Variants in KRT40 observed in about 807,000 individuals in gnomAD.
KRT40 encodes keratin, type I cytoskeletal 40.
KRT40 carries 47 observed loss-of-function variants against 43.5 expected under a neutral mutation model. That is an observed-to-expected ratio of 1.08 (90% confidence interval 0.86 to 1.38). KRT40 has a LOEUF of 1.38. Ranked by LOEUF, KRT40 falls within the 40% of genes most tolerant of loss-of-function variation. The pLI, the probability that KRT40 is intolerant of heterozygous loss-of-function variation, is 0.00. For missense variants in KRT40, 573 were observed against 523.6 expected, an observed-to-expected ratio of 1.09 and a Z score of -0.92; for synonymous variants, 212 against 214.0, an observed-to-expected ratio of 0.99 and a Z score of 0.08.
chr17:40,982,870 G>A (rs566769643), intron 2 of KRT40, among the ~76,000 whole-genome samples, 176 bp downstream of exon 2: 12 of 152,068 alleles, frequency 7.9e-5, no homozygotes, highest in Admixed American at 2.6e-4. Flanking sequence ...TAGGTGTGGC[G>A]GTGCACGCCT....
chr17:40,979,024 T>C lies in KRT40; in HGVS notation c.976A>G (p.Thr326Ala), dbSNP rs1456571205. 3 of 1,611,834 alleles carry C rather than the reference T, an allele frequency of 1.9e-6. No individual in the cohort carries two copies. The highest frequency in any genetic ancestry group is 2.2e-5 in the South Asian group (2 of 90,970). ...GCCACGGTGCATTCCAGAGATTCTGTCTGCGGGAGGAAACATTGTCCAAAG... is the reference window on the plus strand; with the variant it reads ...GCCACGGTGCATTCCAGAGATTCTGCCTGCGGGAGGAAACATTGTCCAAAG... ...EIELQAQQSLTESLECTVAET... is the reference protein window; with the variant it reads ...EIELQAQQSLAESLECTVAET... Residue 326 changes from threonine (T) to alanine (A), a missense_variant and splice_region_variant, in exon 6 of 7, where the codon ACA becomes GCA. Coordinates refer to ENST00000377755, the MANE Select transcript of KRT40 (RefSeq NM_001389244.1).
At chr17:40,984,390 A>C (rs1461261205), upstream of KRT40, 2 of 712,502 alleles carry the variant, frequency 2.8e-6, no homozygotes, top group Non-Finnish European at 4.6e-6. Context: ...ACTGCACCGG[A>C]TGTTTTCTTT....
rs755275883 is a variant in KRT40 at position 40,978,857 on chromosome 17, C to A, written c.1143G>T (p.Arg381=). 4.3e-6 allele frequency: 7 copies of A among 1,613,298 alleles called. No homozygotes were observed. The South Asian group carries it at 7.7e-5, about 18-fold the overall frequency. The part of the protein sequence containing the change: ...EYQVLLDVKA[R]LEGEINTYWG... Reference sequence around the variant, plus strand: ...AGTACGTGTTGATCTCACCCTCCAGCCGGGCCTTCACGTCCAGGAGCACCT... The same window carrying A: ...AGTACGTGTTGATCTCACCCTCCAGACGGGCCTTCACGTCCAGGAGCACCT... Residue 381 remains arginine, a synonymous_variant, in exon 6 of 7, where the codon CGG becomes CGT. Transcript: ENST00000377755.
In KRT40 at chr17:40,979,018, A is replaced by G. The variant is rs1446782068; in HGVS notation, c.982T>C (p.Ser328Pro). ...ELQAQQSLTE[S>P]LECTVAETEA... Reference sequence around the variant, plus strand: ...GTTTCTGCCACGGTGCATTCCAGAGATTCTGTCTGCGGGAGGAAACATTGT... The same window carrying G: ...GTTTCTGCCACGGTGCATTCCAGAGGTTCTGTCTGCGGGAGGAAACATTGT... The change falls in exon 6 of 7, where the codon TCT becomes CCT. Residue 328 changes from serine (S) to proline (P), a missense_variant. Ser to Pro is a moderately conservative substitution (Grantham distance 74). Coordinates refer to ENST00000377755, the MANE Select transcript of KRT40 (RefSeq NM_001389244.1). 8 of 1,612,584 alleles carry G rather than the reference A, an allele frequency of 5.0e-6. No homozygotes were observed. The highest frequency in any genetic ancestry group is 1.7e-6 in the Non-Finnish European group (2 of 1,178,908).
At chr17:40,983,694 C>A in intron 1 of KRT40, 133 bp downstream of exon 1, 1 of 817,460 alleles carries the variant, frequency 1.2e-6, no homozygotes, top group Non-Finnish European at 1.9e-6. Context: ...GTCCGGTGCT[C>A]TCCCCTATGT....
intron 1 of KRT40, 22 bp downstream of exon 1, chr17:40,983,805 A>G: frequency 2.5e-6 from 4 of 1,606,238 alleles, no homozygotes; most frequent in Non-Finnish European, 3.4e-6. Context: ...AAGGTGGAGC[A>G]CTAGGGCAAC....
intron 5 of KRT40, among the ~76,000 whole-genome samples, chr17:40,980,551 T>G (rs763828310): frequency 1.3e-5 from 2 of 152,164 alleles, no homozygotes; most frequent in Non-Finnish European, 2.9e-5. Flanking sequence ...CAGCTCTGCT[T>G]CTCCCTCCCT....
intron 1 of KRT40, among the ~76,000 whole-genome samples, chr17:40,983,458 G>C (rs879360532): frequency 6.6e-6 from 1 of 152,160 alleles, no homozygotes; most frequent in African/African-American, 2.4e-5. Flanking sequence ...AGAAATTCAT[G>C]GAGAGAAGAA....
chr17:40,986,320 G>A (rs1220974388), upstream of KRT40: 1 of 152,164 alleles, frequency 6.6e-6, no homozygotes, highest in African/African-American at 2.4e-5. Flanking sequence ...CATGGTCCAG[G>A]ACACATAGCC....
Position 40,984,135 on chromosome 17 carries a change from T to C in KRT40, c.139A>G (p.Ser47Gly), listed in dbSNP as rs751611688. ...AGCCCGCGAGACCTGGATAGGAAGC[T>C]TGGAGTCTGACATCGGGATGTAGCA... ...TCATSRCQTP[S>G]FLSRSRGLTG... is the part of the protein sequence containing the mutation. The change falls in exon 1 of 7, where the codon AGC (serine) becomes GGC (glycine). Residue 47 changes from serine (S) to glycine (G), a missense_variant. Transcript: ENST00000377755. 30 of 1,613,988 alleles carry C rather than the reference T, an allele frequency of 1.9e-5. No individual in the cohort carries two copies. Among genetic ancestry groups the C allele is most frequent in the African/African-American group, 2.7e-5 (2 of 74,886 alleles).
intron 3 of KRT40, 39 bp from the exon 4 acceptor site, chr17:40,981,190 G>A (rs1011667175): frequency 1.2e-6 from 2 of 1,611,392 alleles, no homozygotes; most frequent in Non-Finnish European, 1.7e-6. Flanking sequence ...ACAGAATGGT[G>A]GGGAAAAATC....
At chr17:40,980,370 G>A (rs1912073428) in intron 5 of KRT40, among the ~76,000 whole-genome samples, 1 of 152,176 alleles carries the variant, frequency 6.6e-6, no homozygotes, top group South Asian at 2.1e-4. Flanking sequence ...GTGGGGGGTG[G>A]TGCAGTGAAG....
chr17:40,978,924 G>A lies in KRT40; in HGVS notation c.1076C>T (p.Ala359Val), dbSNP rs1220740691. 6.2e-7 allele frequency: 1 copy of A among 1,614,108 alleles called. No individual in the cohort carries two copies. Among genetic ancestry groups the A allele is most frequent in the Non-Finnish European group, 8.5e-7 (1 of 1,180,022 alleles). The stretch of plus-strand genomic sequence containing the variant: ...TCGCTCCAGGTCGCAGCGGATCTCG[G>A]CCAGCTGGTTCTCCAGGTTATCGAT... ...CLIDNLENQL[A>V]EIRCDLERQN... Residue 359 changes from alanine (A) to valine (V), a missense_variant, in exon 6 of 7, where the codon GCC becomes GTC. Transcript: ENST00000377755.
At chr17:40,980,135 G>A (rs1054351335) in intron 5 of KRT40, among the ~76,000 whole-genome samples, 10 of 152,234 alleles carry the variant, frequency 6.6e-5, no homozygotes, top group African/African-American at 2.2e-4. Context: ...TCCTTTGCAA[G>A]TTACTTAATC....
At chr17:40,983,007 T>A in intron 2 of KRT40, 39 bp downstream of exon 2, 1 of 877,568 alleles carries the variant, frequency 1.1e-6, no homozygotes, top group South Asian at 1.5e-5. Context: ...AAACTCCATC[T>A]CAAAATAAAT....
Position 40,979,154 on chromosome 17 carries a change from TCA to T in KRT40, c.976-132_976-131del, listed in dbSNP as rs1314133623. Reference sequence around the variant, plus strand: ...GCAAATTATTTAGCTTCTGTGAGTCTCAGTTTTATTCTCTGTATAGTGGAGAA... The same window carrying T: ...GCAAATTATTTAGCTTCTGTGAGTCTGTTTTATTCTCTGTATAGTGGAGAA... On this transcript the variant is annotated intron_variant, in intron 5 of 6. Coordinates refer to ENST00000377755, the MANE Select transcript of KRT40 (RefSeq NM_001389244.1). The T allele has an allele frequency of 3.0e-6, 2 of 660,028 alleles. 1 individual carries two copies. Among genetic ancestry groups the T allele is most frequent in the African/African-American group, 3.6e-5 (2 of 55,226 alleles). 40.9% of individuals were successfully genotyped at this position (660,028 alleles called of 1,614,324 possible). A position where few individuals can be genotyped will look rare whatever the true frequency, so the allele number is the denominator to read the frequency against.
In KRT40 at chr17:40,984,228, C is replaced by A. The variant is rs1325889545; in HGVS notation, c.46G>T (p.Gly16Cys). Residue 16 changes from glycine (G) to cysteine (C), a missense_variant, in exon 1 of 7, where the codon GGC (glycine) becomes TGC (cysteine). Coordinates refer to ENST00000377755, the MANE Select transcript of KRT40 (RefSeq NM_001389244.1). ...SSTHCSPESC[G>C]TASGCAPASS... Reference sequence around the variant, plus strand: ...GCAGGTGCACAACCGGAAGCCGTGCCACAGGACTCAGGAGAGCAGTGTGTG... The same window carrying A: ...GCAGGTGCACAACCGGAAGCCGTGCAACAGGACTCAGGAGAGCAGTGTGTG... 1 of 1,613,834 alleles carries A rather than the reference C, an allele frequency of 6.2e-7. No homozygotes were observed. The highest frequency in any genetic ancestry group is 8.5e-7 in the Non-Finnish European group (1 of 1,179,940).
chr17:40,980,504 A>G (rs2315606), intron 5 of KRT40, among the ~76,000 whole-genome samples: 55,550 of 152,082 alleles, frequency 0.37, 11,825 homozygotes, highest in African/African-American at 0.6. Context: ...AAAACCTGCC[A>G]GAATGCTTAA....
upstream of KRT40, chr17:40,984,327 C>A: frequency 7.3e-7 from 1 of 1,364,874 alleles, no homozygotes; most frequent in African/African-American, 1.4e-5. Context: ...GCCTTGACTC[C>A]AAAACTCTCC....
Sources: allele counts gnomAD v4.1 joint callset (sites outside exome capture counted in the v4.1 genomes callset), GRCh38; gene constraint gnomAD v4.1.1; transcripts MANE v1.5; gene names NCBI Gene and HGNC (gene_info 2026-07-23, HGNC 2026-07-21).